The following GABRB2 variants were observed in gnomAD, a reference collection of about 807,000 sequenced individuals.
GABRB2 encodes the protein gamma-aminobutyric acid receptor subunit beta-2.
In GABRB2, 16 loss-of-function variants were observed where a neutral mutation model predicts 54.7. That is an observed-to-expected ratio of 0.29 (90% confidence interval 0.20 to 0.44). The LOEUF (loss-of-function observed/expected upper bound fraction) is 0.44. GABRB2 is among the 20% of genes least tolerant of loss of function. The probability of loss-of-function intolerance (pLI) is 1.00; values close to 1 mark genes in which losing one functional copy is unlikely to be tolerated. For missense variants in GABRB2, 355 were observed against 644.0 expected (o/e 0.55, Z 4.86); for synonymous variants, 244 against 233.8 (o/e 1.04, Z -0.40).
At position 161,456,206 on chromosome 5, in the gene GABRB2, T is replaced by A. The variant is rs191175679; in HGVS notation, c.458+3418A>T. ...CTTCCCATATCCACATCTTCATGGT[T>A]GCCCTTCAATATGTCTTACCCAGAC... On this transcript the variant is annotated intron_variant, in intron 4 of 9. Transcript: ENST00000393959. Among the ~76,000 whole-genome samples the A allele has an allele frequency of 2.6e-5, 4 of 152,342 alleles. No homozygotes were observed. In the East Asian group the frequency reaches 7.7e-4, roughly 29 times the overall value.
rs372038885 is a variant in GABRB2, at chr5:161,447,589, G to A, written c.458+12035C>T. 1.1e-4 allele frequency among the ~76,000 whole-genome samples: 17 copies of A among 152,180 alleles called. No homozygotes were observed. The East Asian group carries it at 2.1e-3, about 19-fold the overall frequency. ...ACTTCTGAGAAGTAAAATAGCTTGAGCATTTTGTAAAGTGGTGAATGTGAT... is the reference window on the plus strand; with the variant it reads ...ACTTCTGAGAAGTAAAATAGCTTGAACATTTTGTAAAGTGGTGAATGTGAT... On this transcript the variant is annotated intron_variant, in intron 4 of 9. Coordinates refer to ENST00000393959, the MANE Select transcript of GABRB2 (RefSeq NM_001371727.1).
chr5:161,529,471 C>A (rs903283691), intron 3 of GABRB2, among the ~76,000 whole-genome samples: 5 of 151,972 alleles, frequency 3.3e-5, no homozygotes, highest in African/African-American at 1.2e-4. Flanking sequence ...CCAGCTCCAG[C>A]ACTTTCTAGC....
intron 4 of GABRB2, among the ~76,000 whole-genome samples, chr5:161,430,452 C>T (rs936855199): frequency 6.6e-6 from 1 of 152,110 alleles, no homozygotes; most frequent in African/African-American, 2.4e-5. Context: ...AAAGAACATG[C>T]CTTGGGTAGC....
rs908008452 is a variant in GABRB2, at chr5:161,410,390, TCA to T, written c.541+583_541+584del. On this transcript the variant is annotated intron_variant, in intron 5 of 9. Transcript: ENST00000393959. Reference sequence around the variant, plus strand: ...CAAGTCAGCACAGTAAACAGAATTCTCACACACACACACACACACACACACAC... The same window carrying T: ...CAAGTCAGCACAGTAAACAGAATTCTCACACACACACACACACACACACAC... Among the ~76,000 whole-genome samples the T allele has an allele frequency of 2.9e-3, 176 of 59,856 alleles. 1 individual carries two copies. Among genetic ancestry groups the T allele is most frequent in the Non-Finnish European group, 7.8e-3 (122 of 15,672 alleles). The allele number at this position is 59,856 out of a possible 152,430, so 39.3% of individuals were successfully genotyped here.
chr5:161,293,979 G>A lies in GABRB2; in HGVS notation c.*102C>T, dbSNP rs1029656827. 2.4e-5 allele frequency: 21 copies of A among 892,724 alleles called. No individual in the cohort carries two copies. The highest frequency in any genetic ancestry group is 1.6e-4 in the South Asian group (9 of 57,802). The allele number at this position is 892,724 out of a possible 1,614,324, so 55.3% of individuals were successfully genotyped here. On this transcript the variant is annotated 3_prime_UTR_variant, in exon 10 of 10. Coordinates refer to ENST00000393959, the MANE Select transcript of GABRB2 (RefSeq NM_001371727.1). ...AGGCCAGCAACTAAGGTATTTTAGC[G>A]TCACTTTTGTCCTGGATTGATGTGT... is the stretch of plus-strand genomic sequence containing the variant.
chr5:161,318,539 G>T (rs969417922), intron 9 of GABRB2, among the ~76,000 whole-genome samples: 6 of 151,930 alleles, frequency 3.9e-5, no homozygotes, highest in African/African-American at 1.2e-4. Flanking sequence ...TATGCTCTAA[G>T]TTAATTTATG....
intron 4 of GABRB2, among the ~76,000 whole-genome samples, chr5:161,448,213 A>C (rs1235838198): frequency 2.0e-5 from 3 of 152,126 alleles, no homozygotes; most frequent in Admixed American, 2.0e-4. Context: ...ACTTGTGAAA[A>C]GGAGTTCAAG....
chr5:161,487,949 G>GATTCAGATCATCCCAGATGA (rs1379723334), intron 3 of GABRB2, among the ~76,000 whole-genome samples: 1 of 151,852 alleles, frequency 6.6e-6, no homozygotes, highest in African/African-American at 2.4e-5. Context: ...ATGATCCAGT[G>GATTCAGATCATCCCAGATGA]TCATAGGCTA....
intron 8 of GABRB2, among the ~76,000 whole-genome samples, chr5:161,328,358 A>G (rs952896455): frequency 6.6e-6 from 1 of 152,066 alleles, no homozygotes; most frequent in Non-Finnish European, 1.5e-5. Flanking sequence ...TTTTATTAAT[A>G]TTTATCACTT....
intron 5 of GABRB2, among the ~76,000 whole-genome samples, chr5:161,381,289 T>C (rs1014184614): frequency 6.6e-6 from 1 of 152,290 alleles, no homozygotes. Context: ...GTATAACTCC[T>C]TAGATATATC....
intron 4 of GABRB2, among the ~76,000 whole-genome samples, chr5:161,439,978 AG>A (rs1245533999): frequency 1.3e-5 from 2 of 150,918 alleles, no homozygotes; most frequent in African/African-American, 4.9e-5. Context: ...GGAACTTAAA[AG>A]TTGTAGAGAA....
Position 161,472,428 on chromosome 5 carries a change from G to A in GABRB2, c.238-12584C>T, listed in dbSNP as rs541720817. Among the ~76,000 whole-genome samples, 5 of 147,060 alleles carry A rather than the reference G, an allele frequency of 3.4e-5. No homozygotes were observed. In the South Asian group the frequency reaches 1.1e-3, roughly 32 times the overall value. The stretch of plus-strand genomic sequence containing the variant: ...CTCCAAAACACACACACACATACAC[G>A]CACACACACACATGCATACGCACAC... On this transcript the variant is annotated intron_variant, in intron 3 of 9. Coordinates refer to ENST00000393959, the MANE Select transcript of GABRB2 (RefSeq NM_001371727.1).
At chr5:161,538,681 G>C (rs1760719143) in intron 3 of GABRB2, among the ~76,000 whole-genome samples, 1 of 152,076 alleles carries the variant, frequency 6.6e-6, no homozygotes, top group Admixed American at 6.5e-5. Context: ...AAAATTAGTT[G>C]GTCATGGTGG....
At chr5:161,477,686 C>T (rs1330154004) in intron 3 of GABRB2, among the ~76,000 whole-genome samples, 1 of 151,812 alleles carries the variant, frequency 6.6e-6, no homozygotes, top group East Asian at 1.9e-4. Context: ...CAACATTATG[C>T]TAAGTGAAAT....
At chr5:161,367,355 C>A (rs1004914442) in intron 5 of GABRB2, among the ~76,000 whole-genome samples, 3 of 152,168 alleles carry the variant, frequency 2.0e-5, no homozygotes, top group African/African-American at 7.2e-5. Context: ...CATGAAAATG[C>A]TTAGCATGAG....
chr5:161,410,892 C>A (rs1756497340), intron 5 of GABRB2, 83 bp downstream of exon 5: 1 of 1,033,002 alleles, frequency 9.7e-7, no homozygotes, highest in South Asian at 1.5e-5. Context: ...GGCCTGTGGT[C>A]TGGACATGAG....
intron 5 of GABRB2, among the ~76,000 whole-genome samples, chr5:161,369,657 T>A (rs1475978872): frequency 1.3e-5 from 2 of 152,098 alleles, no homozygotes; most frequent in East Asian, 3.9e-4. Context: ...TGGGGGAATG[T>A]TTTTTTAACC....
At chr5:161,428,022 A>G (rs1010325344) in intron 4 of GABRB2, among the ~76,000 whole-genome samples, 2 of 151,906 alleles carry the variant, frequency 1.3e-5, no homozygotes, top group Non-Finnish European at 2.9e-5. Flanking sequence ...TTCCCACTTC[A>G]TCCCCTCTCC....
At chr5:161,445,015 T>C (rs1419225401) in intron 4 of GABRB2, among the ~76,000 whole-genome samples, 3 of 152,054 alleles carry the variant, frequency 2.0e-5, no homozygotes, top group Non-Finnish European at 2.9e-5. Context: ...ACTGATAAAC[T>C]AGAAAAGTGC....
Sources: gnomAD v4.1 joint callset for allele counts (sites outside exome capture counted in the v4.1 genomes callset) on GRCh38, gnomAD v4.1.1 for gene constraint, MANE v1.5 for transcripts, NCBI Gene and HGNC (gene_info 2026-07-23, HGNC 2026-07-21) for gene names.